Variants in RBFOX1 observed in about 807,000 individuals in gnomAD.
RBFOX1 encodes RNA binding protein fox-1 homolog 1.
In RBFOX1, 8 loss-of-function variants were observed where a neutral mutation model predicts 57.7. That is an observed-to-expected ratio of 0.14 (90% CI 0.08 to 0.25). The LOEUF is 0.25. RBFOX1 is among the 10% of genes least tolerant of loss of function. RBFOX1 has a pLI of 1.00. For missense variants in RBFOX1, 611 were observed against 548.5 expected (o/e 1.11, Z -1.14); for synonymous variants, 326 against 222.4 (o/e 1.47, Z -4.15).
intron 4 of RBFOX1, among the ~76,000 whole-genome samples, chr16:6,001,484 A>C (rs1251095048): frequency 6.6e-6 from 1 of 152,222 alleles, no homozygotes; most frequent in Non-Finnish European, 1.5e-5. Context: ...CCTCTGGAGC[A>C]GCAGAATTGG....
At chr16:7,595,083 G>A (rs908242902) in intron 7 of RBFOX1, among the ~76,000 whole-genome samples, 4 of 152,248 alleles carry the variant, frequency 2.6e-5, no homozygotes, top group African/African-American at 9.6e-5. Flanking sequence ...AAACCACACG[G>A]CATGACTCTG....
chr16:7,631,369 C>T (rs554328838), intron 11 of RBFOX1, among the ~76,000 whole-genome samples: 2 of 152,260 alleles, frequency 1.3e-5, no homozygotes, highest in African/African-American at 4.8e-5. Flanking sequence ...ATGGAAGAAC[C>T]GAAGATTTCT....
chr16:6,542,846 C>G (rs2096842752), intron 2 of RBFOX1, among the ~76,000 whole-genome samples: 1 of 152,042 alleles, frequency 6.6e-6, no homozygotes, highest in South Asian at 2.1e-4. Context: ...CAGTTACCAT[C>G]TTTTGTAAGT....
At chr16:5,423,703 C>A (rs1174292020) in intron 1 of RBFOX1, among the ~76,000 whole-genome samples, 3 of 152,216 alleles carry the variant, frequency 2.0e-5, no homozygotes, top group African/African-American at 7.2e-5. Flanking sequence ...TCTGTCCCCC[C>A]TTCCATTGAC....
intron 1 of RBFOX1, among the ~76,000 whole-genome samples, chr16:6,123,167 A>C (rs1448625634): frequency 6.6e-6 from 1 of 152,190 alleles, no homozygotes; most frequent in African/African-American, 2.4e-5. Context: ...ACACAAAGGA[A>C]CTGAAAATAG....
intron 2 of RBFOX1, among the ~76,000 whole-genome samples, chr16:5,578,329 C>T (rs1310684727): frequency 6.6e-6 from 1 of 152,032 alleles, no homozygotes; most frequent in Admixed American, 6.5e-5. Context: ...GTCTTTCTGG[C>T]AGCCAAAATT....
intron 3 of RBFOX1, among the ~76,000 whole-genome samples, chr16:7,002,621 A>T (rs1455974833): frequency 6.6e-6 from 1 of 152,198 alleles, no homozygotes; most frequent in Non-Finnish European, 1.5e-5. Flanking sequence ...CTGAGGCAGG[A>T]GAATCGCTTG....
intron 3 of RBFOX1, among the ~76,000 whole-genome samples, chr16:5,813,929 C>T (rs781267636): frequency 7.2e-5 from 11 of 152,166 alleles, no homozygotes; most frequent in Non-Finnish European, 1.3e-4. Flanking sequence ...ATTGGCTTAT[C>T]GTAGGTGTTT....
At chr16:5,301,233 A>G (rs1460486434) in intron 1 of RBFOX1, among the ~76,000 whole-genome samples, 4 of 152,166 alleles carry the variant, frequency 2.6e-5, no homozygotes, top group Admixed American at 2.6e-4. Context: ...AGAGGTTCAC[A>G]TGGCAGGGAA....
rs1274967321 is a variant in RBFOX1 at position 5,644,815 on chromosome 16, C to T, written c.318+45854C>T. 2.6e-5 allele frequency among the ~76,000 whole-genome samples: 4 copies of T among 152,282 alleles called. No homozygotes were observed. In the East Asian group the frequency reaches 7.7e-4, roughly 29 times the overall value. On this transcript the variant is annotated intron_variant, in intron 3 of 19. Transcript: ENST00000641259. Reference sequence around the variant, plus strand: ...CTGATGGACATTTGGGTTATTTGTACTTTTTGCCAATTGTGAATAATGCCG... The same window carrying T: ...CTGATGGACATTTGGGTTATTTGTATTTTTTGCCAATTGTGAATAATGCCG...
At chr16:5,951,235 A>G (rs763257713) in intron 4 of RBFOX1, among the ~76,000 whole-genome samples, 21 of 152,102 alleles carry the variant, frequency 1.4e-4, no homozygotes, top group African/African-American at 4.8e-5. Flanking sequence ...ATCACTTGAG[A>G]TCAGGAGTTT....
intron 4 of RBFOX1, among the ~76,000 whole-genome samples, chr16:7,210,837 A>G (rs1009621821): frequency 2.0e-4 from 30 of 152,292 alleles, no homozygotes; most frequent in African/African-American, 7.2e-4. Context: ...GTACAGTATG[A>G]TGACTCTAAG....
At chr16:7,259,127 C>T (rs1389865970) in intron 4 of RBFOX1, among the ~76,000 whole-genome samples, 3 of 152,328 alleles carry the variant, frequency 2.0e-5, no homozygotes, top group South Asian at 4.1e-4. Context: ...CCATCTCCAT[C>T]AATCTGTCAC....
chr16:6,352,898 C>T (rs766631728), intron 2 of RBFOX1, among the ~76,000 whole-genome samples: 1 of 152,132 alleles, frequency 6.6e-6, no homozygotes, highest in Non-Finnish European at 1.5e-5. Flanking sequence ...GAAAGCCAAT[C>T]ATGAACTAAA....
At chr16:6,414,066 C>G (rs186128598) in intron 2 of RBFOX1, among the ~76,000 whole-genome samples, 3 of 152,252 alleles carry the variant, frequency 2.0e-5, no homozygotes, top group East Asian at 1.9e-4. Context: ...CAGAGAGTGC[C>G]AAGAACACCC....
At chr16:6,954,381 G>C (rs1221268593) in intron 3 of RBFOX1, among the ~76,000 whole-genome samples, 1 of 152,056 alleles carries the variant, frequency 6.6e-6, no homozygotes, top group Non-Finnish European at 1.5e-5. Context: ...AGTAGTTCCG[G>C]CATGCATAGA....
intron 1 of RBFOX1, chr16:5,270,665 A>G (rs960842921): frequency 9.3e-6 from 5 of 540,352 alleles, no homozygotes; most frequent in South Asian, 5.0e-5. Context: ...TGCCAAATCC[A>G]GAAGAAGGTG....
chr16:6,304,876 C>CAAAAAAAAAAAAA (rs58680911), intron 1 of RBFOX1, among the ~76,000 whole-genome samples: 3 of 79,652 alleles, frequency 3.8e-5, no homozygotes, highest in Admixed American at 1.5e-4. Flanking sequence ...GACCCTGTCT[C>CAAAAAAAAAAAAA]AAAAAAAAAA....
chr16:6,874,124 G>A (rs1040923078), intron 3 of RBFOX1: 2 of 152,076 alleles, frequency 1.3e-5, no homozygotes, highest in African/African-American at 4.8e-5. Flanking sequence ...TCAGAAATAT[G>A]GAACCAGCCG....
Sources: gnomAD v4.1 joint callset for allele counts (sites outside exome capture counted in the v4.1 genomes callset) on GRCh38, gnomAD v4.1.1 for gene constraint, MANE v1.5 for transcripts, NCBI Gene and HGNC (gene_info 2026-07-23, HGNC 2026-07-21) for gene names.